The following FMN2 variants were observed in gnomAD, a reference collection of about 807,000 sequenced individuals.
FMN2 encodes formin 2.
Under a neutral mutation model 142.3 loss-of-function variants are expected in FMN2, and 51 were observed. The observed-to-expected ratio is 0.36, with a 90% CI of 0.29 to 0.45. FMN2 has a LOEUF of 0.45. FMN2 is among the 20% of genes least tolerant of loss of function. FMN2 has a pLI of 1.00. For synonymous variants in FMN2, 882 were observed against 869.8 expected (o/e 1.01, Z -0.25); for missense variants, 1,936 against 2,122.8 (o/e 0.91, Z 1.73).
At chr1:240,404,558 A>T (rs937661453) in intron 15 of FMN2, among the ~76,000 whole-genome samples, 9 of 152,208 alleles carry the variant, frequency 5.9e-5, no homozygotes, top group Non-Finnish European at 7.3e-5. Context: ...TTAGTTAACT[A>T]CTTCTAATCC....
intron 16 of FMN2, 25 bp from the exon 17 acceptor site, chr1:240,472,347 A>C: frequency 1.3e-6 from 2 of 1,583,746 alleles, no homozygotes; most frequent in Non-Finnish European, 8.6e-7. Flanking sequence ...GTTTTGTTTA[A>C]ATACATGTGT....
At chr1:240,255,326 G>A (rs1434679677) in intron 6 of FMN2, among the ~76,000 whole-genome samples, 2 of 152,124 alleles carry the variant, frequency 1.3e-5, no homozygotes, top group Admixed American at 1.3e-4. Context: ...GCGAGTACCA[G>A]GTGCCTCTAG....
chr1:240,365,141 A>G (rs74151653), intron 14 of FMN2, among the ~76,000 whole-genome samples: 12 of 144,534 alleles, frequency 8.3e-5, no homozygotes, highest in African/African-American at 3.5e-4. Flanking sequence ...GCATATATAG[A>G]TATAGATATA....
chr1:240,376,811 C>T (rs1212067683), intron 14 of FMN2, among the ~76,000 whole-genome samples: 2 of 152,092 alleles, frequency 1.3e-5, no homozygotes, highest in African/African-American at 4.8e-5. Flanking sequence ...TTATTTCCAC[C>T]ATTGGCTTAT....
chr1:240,345,627 C>T (rs1412916739), intron 13 of FMN2, among the ~76,000 whole-genome samples: 1 of 152,064 alleles, frequency 6.6e-6, no homozygotes, highest in African/African-American at 2.4e-5. Flanking sequence ...CTGATTACAG[C>T]ATGCACCACC....
chr1:240,441,790 A>G (rs549537260), intron 16 of FMN2, among the ~76,000 whole-genome samples: 1 of 151,960 alleles, frequency 6.6e-6, no homozygotes, highest in Non-Finnish European at 1.5e-5. Flanking sequence ...TGTCTCCATA[A>G]GTATTTGCTG....
rs941423514 is a variant in FMN2 at position 240,238,551 on chromosome 1, T to A, written c.4066-19394T>A. On this transcript the variant is annotated intron_variant, in intron 6 of 17. Transcript: ENST00000319653. Reference sequence around the variant, plus strand: ...GACTTATTTAATCTTGTGATTTTGTTCTGAGGTAGCTAATAATTTTATCAT... The same window carrying A: ...GACTTATTTAATCTTGTGATTTTGTACTGAGGTAGCTAATAATTTTATCAT... Among the ~76,000 whole-genome samples the A allele has an allele frequency of 3.3e-5, 5 of 152,328 alleles. 1 individual carries two copies. Among genetic ancestry groups the A allele is most frequent in the Middle Eastern group, 3.4e-3 (1 of 294 alleles).
chr1:240,390,324 G>A (rs1425154654), intron 14 of FMN2, among the ~76,000 whole-genome samples: 1 of 152,076 alleles, frequency 6.6e-6, no homozygotes, highest in African/African-American at 2.4e-5. Flanking sequence ...TATTAGGTTT[G>A]GTAAGAAGCT....
intron 15 of FMN2, among the ~76,000 whole-genome samples, chr1:240,416,480 G>A (rs911620081): frequency 7.9e-5 from 12 of 151,938 alleles, no homozygotes; most frequent in Admixed American, 1.3e-4. Flanking sequence ...ATGTTGGCCC[G>A]GCTAGTCTCA....
intron 2 of FMN2, among the ~76,000 whole-genome samples, chr1:240,127,348 AG>A (rs1002462108): frequency 3.3e-5 from 5 of 151,144 alleles, no homozygotes; most frequent in African/African-American, 1.2e-4. Flanking sequence ...CTAGGATTAC[AG>A]GCATGAGCCA....
At chr1:240,264,165 G>A (rs2102907556) in intron 7 of FMN2, among the ~76,000 whole-genome samples, 1 of 152,160 alleles carries the variant, frequency 6.6e-6, no homozygotes, top group South Asian at 2.1e-4. Context: ...AATTAGAAAT[G>A]CCAGTGAGAT....
At chr1:240,196,473 G>A (rs1218916352) in intron 4 of FMN2, among the ~76,000 whole-genome samples, 1 of 152,146 alleles carries the variant, frequency 6.6e-6, no homozygotes, top group Non-Finnish European at 1.5e-5. Flanking sequence ...ACTGGAAACT[G>A]TGGAGGTGGG....
intron 3 of FMN2, among the ~76,000 whole-genome samples, chr1:240,184,508 G>T (rs576204197): frequency 6.0e-4 from 87 of 145,582 alleles, no homozygotes; most frequent in African/African-American, 2.2e-3. Flanking sequence ...GAGCCATTGC[G>T]CCCGGCCTGT....
intron 7 of FMN2, among the ~76,000 whole-genome samples, chr1:240,261,610 A>G (rs1163540517): frequency 6.6e-6 from 1 of 152,296 alleles, no homozygotes; most frequent in Non-Finnish European, 1.5e-5. Context: ...CCTGCTGAGC[A>G]CCACTTGCTC....
intron 7 of FMN2, among the ~76,000 whole-genome samples, chr1:240,285,984 T>G (rs1310786627): frequency 6.6e-6 from 1 of 152,216 alleles, no homozygotes; most frequent in East Asian, 1.9e-4. Context: ...TGTTCTTGCT[T>G]AAGTCTAAAA....
rs749867208 is a variant in FMN2 at position 240,092,373 on chromosome 1, A to G, written c.264A>G (p.Lys88=). 1 of 1,609,254 alleles carries G rather than the reference A, an allele frequency of 6.2e-7. No homozygotes were observed. Among genetic ancestry groups the G allele is most frequent in the South Asian group, 1.1e-5 (1 of 90,760 alleles). The change falls in exon 1 of 18, where the codon AAA becomes AAG. Residue 88 remains lysine, a synonymous_variant. Coordinates refer to ENST00000319653, the MANE Select transcript of FMN2 (RefSeq NM_020066.5). The part of the protein sequence containing the change: ...LRIRKNLSKG[K]GAGGSREDVL... ...TCAGGAAGAATCTGTCCAAGGGGAA[A>G]GGCGCCGGCGGCTCCCGCGAAGATG...
At chr1:240,412,359 A>G (rs550596323) in intron 15 of FMN2, among the ~76,000 whole-genome samples, 53 of 152,300 alleles carry the variant, frequency 3.5e-4, no homozygotes, top group African/African-American at 1.3e-3. Flanking sequence ...AAATAAGGAA[A>G]TGGAAACTGA....
intron 1 of FMN2, among the ~76,000 whole-genome samples, chr1:240,121,660 A>AT (rs1039545917): frequency 8.9e-5 from 12 of 135,360 alleles, no homozygotes; most frequent in East Asian, 7.3e-4. Context: ...AAGTGCTGGG[A>AT]TTACAGGGGT....
intron 2 of FMN2, among the ~76,000 whole-genome samples, chr1:240,132,094 A>T (rs1222350811): frequency 1.3e-5 from 2 of 152,202 alleles, no homozygotes; most frequent in African/African-American, 4.8e-5. Context: ...GAAGTGGAGT[A>T]GATGATTTCT....
Sources: gnomAD v4.1 joint callset for allele counts (sites outside exome capture counted in the v4.1 genomes callset) on GRCh38, gnomAD v4.1.1 for gene constraint, MANE v1.5 for transcripts, NCBI Gene and HGNC (gene_info 2026-07-23, HGNC 2026-07-21) for gene names.